Variants in SGSM1 observed in about 807,000 individuals in gnomAD.
The protein encoded by SGSM1 is small G protein signaling modulator 1.
Under a neutral mutation model 133.8 loss-of-function variants are expected in SGSM1, and 73 were observed. That is an observed-to-expected ratio of 0.55 (90% CI 0.45 to 0.66). The LOEUF is 0.66. Among genes scored for constraint, SGSM1 ranks in the 30% least tolerant of loss-of-function variants. The pLI is 0.00. For missense variants in SGSM1, 1,213 were observed against 1,448.1 expected, an observed-to-expected ratio of 0.84 and a Z score of 2.64; for synonymous variants, 563 against 573.0, an observed-to-expected ratio of 0.98 and a Z score of 0.25.
chr22:24,880,867 G>T (rs1029735080), intron 14 of SGSM1, among the ~76,000 whole-genome samples: 1 of 152,138 alleles, frequency 6.6e-6, no homozygotes, highest in African/African-American at 2.4e-5. Flanking sequence ...TGACATAACC[G>T]GTTTGTACCT....
chr22:24,820,337 C>T (rs1450899055), intron 2 of SGSM1, among the ~76,000 whole-genome samples: 1 of 152,136 alleles, frequency 6.6e-6, no homozygotes, highest in Non-Finnish European at 1.5e-5. Context: ...ACACCCCTTC[C>T]AGGTCATGGC....
At chr22:24,879,613 T>C in intron 14 of SGSM1, 87 bp downstream of exon 14, 12 of 1,337,326 alleles carry the variant, frequency 9.0e-6, no homozygotes, top group Non-Finnish European at 1.2e-5. Flanking sequence ...AGATACTGGC[T>C]CTGGAGTTTG....
chr22:24,879,467 C>T lies in SGSM1; in HGVS notation c.1436C>T (p.Pro479Leu), dbSNP rs1932203480. 1.9e-6 allele frequency: 3 copies of T among 1,613,620 alleles called. No individual in the cohort carries two copies. The highest frequency in any genetic ancestry group is 1.3e-5 in the African/African-American group (1 of 74,924). ...STNGCNHERA[P>L]LKLLCDNMKY... Reference sequence around the variant, plus strand: ...CCCTCTTTCTCCACCTGCAGGGCTCCCCTGAAACTTCTCTGTGACAATATG... The same window carrying T: ...CCCTCTTTCTCCACCTGCAGGGCTCTCCTGAAACTTCTCTGTGACAATATG... Residue 479 changes from proline (P) to leucine (L), a missense_variant, in exon 14 of 25, where the codon CCC becomes CTC. Transcript: ENST00000400358.
chr22:24,912,514 T>C, intron 21 of SGSM1, 129 bp from the exon 22 acceptor site: 1 of 638,220 alleles, frequency 1.6e-6, no homozygotes, highest in South Asian at 2.0e-5. Flanking sequence ...CCGTCTCTAC[T>C]AAAAATACAA....
chr22:24,909,790 C>G (rs1933549894), intron 21 of SGSM1, among the ~76,000 whole-genome samples: 1 of 152,106 alleles, frequency 6.6e-6, no homozygotes, highest in Non-Finnish European at 1.5e-5. Context: ...CTGGCAGTTT[C>G]TCATAGTAAT....
At chr22:24,913,903 T>C (rs1933723380) in intron 22 of SGSM1, among the ~76,000 whole-genome samples, 1 of 151,918 alleles carries the variant, frequency 6.6e-6, no homozygotes. Flanking sequence ...ATGCCTGTAA[T>C]CCCAACACTT....
At chr22:24,885,761 G>A (rs960172621) in intron 15 of SGSM1, among the ~76,000 whole-genome samples, 5 of 152,106 alleles carry the variant, frequency 3.3e-5, no homozygotes, top group East Asian at 1.9e-4. Flanking sequence ...TGTATCCCTC[G>A]CTCTTTTACA....
At chr22:24,901,506 A>G (rs761774082) in intron 19 of SGSM1, among the ~76,000 whole-genome samples, 1 of 152,102 alleles carries the variant, frequency 6.6e-6, no homozygotes, top group African/African-American at 2.4e-5. Context: ...AAATTAAGGT[A>G]CTTGTTCAAG....
At chr22:24,827,815 T>C (rs1928884598) in intron 2 of SGSM1, among the ~76,000 whole-genome samples, 1 of 152,074 alleles carries the variant, frequency 6.6e-6, no homozygotes. Context: ...TAGCTGAGGA[T>C]TCGACTCCAA....
intron 21 of SGSM1, among the ~76,000 whole-genome samples, chr22:24,911,742 C>T (rs1933632103): frequency 6.6e-6 from 1 of 152,162 alleles, no homozygotes; most frequent in South Asian, 2.1e-4. Flanking sequence ...TGCAAAAATA[C>T]CTGACCAGTA....
intron 20 of SGSM1, among the ~76,000 whole-genome samples, chr22:24,903,780 T>C (rs990215277): frequency 6.6e-6 from 1 of 152,104 alleles, no homozygotes; most frequent in African/African-American, 2.4e-5. Flanking sequence ...GAGACCAGCC[T>C]GGCCAACATG....
chr22:24,904,529 GA>G (rs1457722566), intron 20 of SGSM1, among the ~76,000 whole-genome samples: 1 of 145,368 alleles, frequency 6.9e-6, no homozygotes, highest in Non-Finnish European at 1.5e-5. Context: ...GCAGTGAGCA[GA>G]GATCACGCCA....
In SGSM1 at chr22:24,859,379, G is replaced by A. The variant is rs149592958; in HGVS notation, c.802-337G>A. Among the ~76,000 whole-genome samples the A allele has an allele frequency of 2.0e-3, 305 of 152,280 alleles. 2 individuals are homozygous for A. The highest frequency in any genetic ancestry group is 6.5e-3 in the African/African-American group (270 of 41,560). ...ATAAATGCCTTCTGTTTTGAAAAGC[G>A]TGATTTTCAGTGGGGCAGAGCCTCC... On this transcript the variant is annotated intron_variant, in intron 8 of 24. Coordinates refer to ENST00000400358, the MANE Select transcript of SGSM1 (RefSeq NM_001098497.3).
intron 2 of SGSM1, among the ~76,000 whole-genome samples, chr22:24,806,925 AG>A (rs1351432300): frequency 1.3e-5 from 2 of 151,986 alleles, no homozygotes; most frequent in African/African-American, 4.8e-5. Flanking sequence ...AAAAGGCAGA[AG>A]GAAAATAAAA....
intron 2 of SGSM1, among the ~76,000 whole-genome samples, chr22:24,809,925 A>T (rs1316133965): frequency 6.6e-6 from 1 of 152,206 alleles, no homozygotes; most frequent in South Asian, 2.1e-4. Context: ...CAAGATGAGT[A>T]GGACTTTAAG....
intron 9 of SGSM1, among the ~76,000 whole-genome samples, chr22:24,866,549 T>G (rs1179441724): frequency 6.6e-6 from 1 of 152,132 alleles, no homozygotes; most frequent in Non-Finnish European, 1.5e-5. Context: ...CATGGATGGA[T>G]CCAGGGACTT....
rs1398295288 is a variant in SGSM1 at position 24,879,541 on chromosome 22, C to T, written c.1495+15C>T. The T allele has an allele frequency of 1.2e-5, 20 of 1,611,948 alleles. No individual in the cohort carries two copies. The highest frequency in any genetic ancestry group is 1.6e-5 in the Non-Finnish European group (19 of 1,178,908). ...CTTCTATGGATGTACGTATAGGGCT[C>T]CATTGCCAGTGTGTCTCCGTGGAGC... On this transcript the variant is annotated intron_variant, in intron 14 of 24. Coordinates refer to ENST00000400358, the MANE Select transcript of SGSM1 (RefSeq NM_001098497.3).
Position 24,847,775 on chromosome 22 carries a change from TG to T in SGSM1, c.283del (p.Glu95SerfsTer3), listed in dbSNP as rs1322582902. 1 of 1,613,744 alleles carries T rather than the reference TG, an allele frequency of 6.2e-7. No homozygotes were observed. The highest frequency in any genetic ancestry group is 1.3e-5 in the African/African-American group (1 of 74,912). On this transcript the variant is annotated frameshift_variant, in exon 4 of 25. Transcript: ENST00000400358. LOFTEE classifies it high-confidence loss of function. ...AEDLSRKVQD[L>X]EQLIESARNQ... ...GATCTGAGCCGCAAGGTGCAAGACC[TG>T]GAGCAGCTGATCGAGAGCGCGTGAG...
intron 8 of SGSM1, among the ~76,000 whole-genome samples, chr22:24,856,931 G>A (rs998557514): frequency 2.0e-5 from 3 of 151,644 alleles, no homozygotes; most frequent in Non-Finnish European, 2.9e-5. Flanking sequence ...ACCACGCCCA[G>A]CTAATTTTTT....
Sources: gnomAD v4.1 joint callset for allele counts (sites outside exome capture counted in the v4.1 genomes callset) on GRCh38, gnomAD v4.1.1 for gene constraint, MANE v1.5 for transcripts, NCBI Gene and HGNC (gene_info 2026-07-23, HGNC 2026-07-21) for gene names.